The following CBLN2 variants were observed in gnomAD, a reference collection of about 807,000 sequenced individuals.
CBLN2 encodes cerebellin-2.
CBLN2 carries 7 observed loss-of-function variants against 15.0 expected under a neutral mutation model. That is an observed-to-expected ratio of 0.47 (90% CI 0.27 to 0.88). The LOEUF is 0.88. CBLN2 is among the 40% of genes least tolerant of loss of function. The pLI, the probability that CBLN2 is intolerant of heterozygous loss-of-function variation, is 0.14. For missense variants in CBLN2, 242 were observed against 304.5 expected (o/e 0.79, Z 1.53); for synonymous variants, 149 against 135.2 (o/e 1.10, Z -0.71).
rs148005653 is a variant in CBLN2, at chr18:72,627,017, G to A, written c.15+11308C>T. 1.1e-4 allele frequency among the ~76,000 whole-genome samples: 16 copies of A among 152,230 alleles called. No homozygotes were observed. In the South Asian group the frequency reaches 1.2e-3, roughly 12 times the overall value. On this transcript the variant is annotated intron_variant, in intron 1 of 2. Coordinates refer to the CBLN2 transcript ENST00000581073. ...TTTCATGTTGGCTTTCCCACTCAAC[G>A]TTATTTTTGTGAGACATCCATATTG...
At chr18:72,545,991 A>G (rs1323189830), upstream of CBLN2, among the ~76,000 whole-genome samples, 1 of 152,252 alleles carries the variant, frequency 6.6e-6, no homozygotes, top group Non-Finnish European at 1.5e-5. Context: ...TATTGGACTA[A>G]GTTATTGAAA....
chr18:72,610,831 G>T (rs2069616916), intron 1 of CBLN2, among the ~76,000 whole-genome samples: 1 of 152,116 alleles, frequency 6.6e-6, no homozygotes, highest in South Asian at 2.1e-4. Flanking sequence ...TGAGGTTTGG[G>T]ATACAATTGG....
chr18:72,577,276 A>G (rs1390484157), intron 1 of CBLN2, among the ~76,000 whole-genome samples: 2 of 151,894 alleles, frequency 1.3e-5, no homozygotes, highest in Non-Finnish European at 2.9e-5. Flanking sequence ...TTTTTCTTTT[A>G]AAAACTAATT....
rs1055751499 is a variant in CBLN2 at position 72,537,379 on chromosome 18, C to T, written c.*797G>A. 14 of 152,236 alleles carry T rather than the reference C, an allele frequency of 9.2e-5. No individual in the cohort carries two copies. The highest frequency in any genetic ancestry group is 3.1e-4 in the African/African-American group (13 of 41,524). 9.4% of individuals were successfully genotyped at this position (152,236 alleles called of 1,614,324 possible). On this transcript the variant is annotated 3_prime_UTR_variant, in exon 5 of 5. Transcript: ENST00000269503. ...AGATACTTTTTGTTTAGTTTGGTCT[C>T]GTCTAAAACAAAACATACAGGTATT...
At chr18:72,560,710 T>C (rs1467066858) in intron 1 of CBLN2, among the ~76,000 whole-genome samples, 1 of 152,186 alleles carries the variant, frequency 6.6e-6, no homozygotes, top group East Asian at 1.9e-4. Flanking sequence ...TTGGTATGAA[T>C]TTAAAAAATA....
chr18:72,538,612 T>C, intron 4 of CBLN2, 41 bp downstream of exon 4: 2 of 1,611,368 alleles, frequency 1.2e-6, no homozygotes, highest in Non-Finnish European at 1.7e-6. Context: ...TGGGGAACTA[T>C]TAACTCAAAC....
intron 1 of CBLN2, among the ~76,000 whole-genome samples, chr18:72,607,551 A>C (rs1190950315): frequency 2.6e-5 from 4 of 152,146 alleles, no homozygotes; most frequent in East Asian, 3.9e-4. Flanking sequence ...ACCCCACCAA[A>C]CACAGATTTC....
chr18:72,634,788 C>T (rs750666934), intron 1 of CBLN2, among the ~76,000 whole-genome samples: 22 of 152,236 alleles, frequency 1.4e-4, no homozygotes, highest in African/African-American at 1.9e-4. Context: ...AGTCCCTAAG[C>T]GTAAGAAGAG....
chr18:72,605,981 T>C (rs780325186), intron 1 of CBLN2, among the ~76,000 whole-genome samples: 1 of 152,044 alleles, frequency 6.6e-6, no homozygotes, highest in Non-Finnish European at 1.5e-5. Flanking sequence ...TTTGGTCAAG[T>C]CTCAAAGCAT....
intron 1 of CBLN2, among the ~76,000 whole-genome samples, chr18:72,613,851 T>C (rs1382492998): frequency 6.6e-6 from 1 of 152,218 alleles, no homozygotes; most frequent in African/African-American, 2.4e-5. Flanking sequence ...TTTATTCCTG[T>C]ACACCGTTGC....
At chr18:72,551,700 TG>T (rs1438808597) in intron 1 of CBLN2, among the ~76,000 whole-genome samples, 1 of 152,182 alleles carries the variant, frequency 6.6e-6, no homozygotes, top group Non-Finnish European at 1.5e-5. Context: ...ACTGTAACCA[TG>T]CTGAGATTAT....
At chr18:72,577,742 C>A (rs1188991480) in intron 1 of CBLN2, among the ~76,000 whole-genome samples, 2 of 152,172 alleles carry the variant, frequency 1.3e-5, no homozygotes, top group African/African-American at 4.8e-5. Context: ...GGATCCATCA[C>A]AACTGATTTC....
chr18:72,586,040 A>C (rs1395722752), intron 1 of CBLN2, among the ~76,000 whole-genome samples: 2 of 152,170 alleles, frequency 1.3e-5, no homozygotes, highest in African/African-American at 4.8e-5. Flanking sequence ...AGGGATACCC[A>C]GGTCTGCAGC....
At chr18:72,627,805 A>G (rs1264274479) in intron 1 of CBLN2, among the ~76,000 whole-genome samples, 1 of 152,214 alleles carries the variant, frequency 6.6e-6, no homozygotes, top group Non-Finnish European at 1.5e-5. Flanking sequence ...TACAAGTGTT[A>G]AAAGTTCAAA....
intron 1 of CBLN2, among the ~76,000 whole-genome samples, chr18:72,613,927 C>T (rs1346631640): frequency 6.6e-6 from 1 of 152,130 alleles, no homozygotes; most frequent in East Asian, 1.9e-4. Flanking sequence ...GTATTCAAAA[C>T]GTCTTCTAAG....
chr18:72,588,555 C>T (rs1206072197), intron 1 of CBLN2, among the ~76,000 whole-genome samples: 1 of 152,178 alleles, frequency 6.6e-6, no homozygotes, highest in African/African-American at 2.4e-5. Context: ...GAAGAGACAT[C>T]ATTTCTGAGC....
chr18:72,601,433 T>C (rs575640934), intron 1 of CBLN2, among the ~76,000 whole-genome samples: 1 of 132,336 alleles, frequency 7.6e-6, no homozygotes, highest in South Asian at 2.5e-4. Flanking sequence ...CACAATTCCA[T>C]AAATAGATGT....
At chr18:72,564,694 C>A (rs571685783) in intron 1 of CBLN2, among the ~76,000 whole-genome samples, 11 of 152,064 alleles carry the variant, frequency 7.2e-5, no homozygotes, top group Non-Finnish European at 1.6e-4. Context: ...GTGAGAATTT[C>A]AGAGGGAGAA....
intron 1 of CBLN2, among the ~76,000 whole-genome samples, chr18:72,628,585 AGAAAGGGGTGAGGCAGTCTCT>A (rs1390142935): frequency 1.3e-5 from 2 of 152,158 alleles, no homozygotes; most frequent in Non-Finnish European, 2.9e-5. Flanking sequence ...TTCCCGCAAG[AGAAAGGGGTGAGGCAGTCTCT>A]GAAAGGGCTG....
Sources: gnomAD v4.1 joint callset for allele counts (sites outside exome capture counted in the v4.1 genomes callset) on GRCh38, gnomAD v4.1.1 for gene constraint, MANE v1.5 for transcripts, NCBI Gene and HGNC (gene_info 2026-07-23, HGNC 2026-07-21) for gene names.